GPC5: variants seen among roughly 807,000 people sequenced by gnomAD.
GPC5 encodes the protein glypican-5.
A neutral mutation model predicts 53.9 loss-of-function variants in GPC5; 47 were observed. The observed-to-expected ratio is 0.87, with a 90% CI of 0.69 to 1.11. The LOEUF is 1.11. GPC5 is among the 50% of genes most tolerant of loss of function. The pLI, the probability that GPC5 is intolerant of heterozygous loss-of-function variation, is 0.00. For synonymous variants in GPC5, 286 were observed against 263.3 expected, an observed-to-expected ratio of 1.09 and a Z score of -0.84; for missense variants, 748 against 713.1, an observed-to-expected ratio of 1.05 and a Z score of -0.56.
intron 7 of GPC5, among the ~76,000 whole-genome samples, chr13:92,579,853 T>A (rs556972656): frequency 3.5e-4 from 53 of 152,200 alleles, no homozygotes; most frequent in Non-Finnish European, 6.6e-4. Context: ...TCTCTCTCTT[T>A]CTTTATCATA....
chr13:92,214,826 A>G (rs568039626), intron 7 of GPC5, among the ~76,000 whole-genome samples: 1 of 152,338 alleles, frequency 6.6e-6, no homozygotes, highest in South Asian at 2.1e-4. Context: ...AAAGGTCCTT[A>G]CAATGTGGGA....
chr13:92,540,565 G>A (rs1881900186), intron 7 of GPC5, among the ~76,000 whole-genome samples: 1 of 151,818 alleles, frequency 6.6e-6, no homozygotes, highest in Non-Finnish European at 1.5e-5. Context: ...AATGTCTGGG[G>A]TAATTTATTA....
At chr13:91,705,793 A>G (rs1045233178) in intron 3 of GPC5, among the ~76,000 whole-genome samples, 2 of 151,458 alleles carry the variant, frequency 1.3e-5, no homozygotes, top group African/African-American at 4.8e-5. Context: ...AGAATGAAAA[A>G]TATTACTTAT....
At chr13:92,670,811 C>A (rs998424642) in intron 7 of GPC5, among the ~76,000 whole-genome samples, 2 of 152,146 alleles carry the variant, frequency 1.3e-5, no homozygotes, top group Admixed American at 1.3e-4. Flanking sequence ...TTTTCAAATT[C>A]TGTGTGACAT....
chr13:91,762,433 CA>C (rs1298232103), intron 5 of GPC5, among the ~76,000 whole-genome samples: 1 of 151,636 alleles, frequency 6.6e-6, no homozygotes, highest in South Asian at 2.1e-4. Context: ...TCCTAGTTTC[CA>C]AAAGTTTTGA....
At chr13:92,675,429 T>C (rs776360725) in intron 7 of GPC5, among the ~76,000 whole-genome samples, 30 of 152,130 alleles carry the variant, frequency 2.0e-4, no homozygotes, top group Non-Finnish European at 3.8e-4. Flanking sequence ...TTTTTAAAAC[T>C]TTTTGTCCAT....
At chr13:91,908,886 C>T (rs1306037707) in intron 6 of GPC5, among the ~76,000 whole-genome samples, 2 of 151,972 alleles carry the variant, frequency 1.3e-5, no homozygotes, top group Non-Finnish European at 2.9e-5. Flanking sequence ...GAGTCAGAAA[C>T]AATACCTGAA....
At chr13:92,086,265 A>C (rs2041335319) in intron 6 of GPC5, among the ~76,000 whole-genome samples, 2 of 152,164 alleles carry the variant, frequency 1.3e-5, no homozygotes, top group South Asian at 4.1e-4. Flanking sequence ...ATTTTCCAGG[A>C]GGACACATCT....
chr13:91,591,877 A>C (rs374192485), intron 2 of GPC5, among the ~76,000 whole-genome samples: 58 of 152,310 alleles, frequency 3.8e-4, no homozygotes, highest in African/African-American at 1.4e-3. Context: ...TTGGGTTTCA[A>C]CTTTCTCCTG....
chr13:91,773,780 T>C (rs940398945), intron 5 of GPC5, among the ~76,000 whole-genome samples: 1 of 152,182 alleles, frequency 6.6e-6, no homozygotes, highest in Admixed American at 6.5e-5. Context: ...TCAGCTTCTC[T>C]TTGGGACTCC....
rs575032131 is a variant in GPC5 at position 91,973,499 on chromosome 13, G to A, written c.1401+65442G>A. Among the ~76,000 whole-genome samples the A allele has an allele frequency of 2.3e-3, 355 of 152,272 alleles. 1 individual carries two copies. The highest frequency in any genetic ancestry group is 5.4e-3 in the South Asian group (26 of 4,820). ...GTCATTCTCCGTCCAGCTTTGTTCC[G>A]TTGCTGGTGAGGAGCTGTGTTCTTT... On this transcript the variant is annotated intron_variant, in intron 6 of 7. Transcript: ENST00000377067.
At chr13:91,654,315 C>T (rs2034794504) in intron 2 of GPC5, among the ~76,000 whole-genome samples, 1 of 152,140 alleles carries the variant, frequency 6.6e-6, no homozygotes, top group African/African-American at 2.4e-5. Context: ...TGTATGAAGA[C>T]ACTCATTACA....
At chr13:92,269,737 C>A (rs1421209469) in intron 7 of GPC5, among the ~76,000 whole-genome samples, 1 of 152,150 alleles carries the variant, frequency 6.6e-6, no homozygotes, top group African/African-American at 2.4e-5. Flanking sequence ...ATCCTAACCC[C>A]ATTACAGCCT....
Position 92,349,195 on chromosome 13 carries a change from G to A in GPC5, c.1561+204206G>A, listed in dbSNP as rs2043453712. On this transcript the variant is annotated intron_variant, in intron 7 of 7. Transcript: ENST00000377067. ...TTTCACTCTTGTTGCCCAGGCTGGA[G>A]TGCGATGGCACGATCTCGGCTCACT... Among the ~76,000 whole-genome samples, 4 of 152,292 alleles carry A rather than the reference G, an allele frequency of 2.6e-5. No individual in the cohort carries two copies. The South Asian group carries it at 6.2e-4, about 24-fold the overall frequency.
At chr13:92,819,204 T>C (rs957277214) in intron 7 of GPC5, among the ~76,000 whole-genome samples, 2 of 152,000 alleles carry the variant, frequency 1.3e-5, no homozygotes. Context: ...TGTTATAGCA[T>C]AGCAAAAATT....
chr13:91,948,025 G>C (rs2039989660), intron 6 of GPC5, among the ~76,000 whole-genome samples: 1 of 151,968 alleles, frequency 6.6e-6, no homozygotes, highest in Non-Finnish European at 1.5e-5. Context: ...CCAATGTCAC[G>C]TGACCATCCT....
chr13:91,525,106 C>T (rs4143764), intron 2 of GPC5, among the ~76,000 whole-genome samples: 83,372 of 151,978 alleles, frequency 0.55, 27,361 homozygotes, highest in Non-Finnish European at 0.72. Context: ...TCCTTCCCCT[C>T]GTAGAATGTG....
At position 91,913,070 on chromosome 13, in the gene GPC5, C is replaced by T. The variant is rs147001538; in HGVS notation, c.1401+5013C>T. ...GTGTCACCTGGGAGTACTCCAAGGA[C>T]GGCCAAAAGAAATATTTTAGTTAGA... On this transcript the variant is annotated intron_variant, in intron 6 of 7. Transcript: ENST00000377067. Among the ~76,000 whole-genome samples the T allele has an allele frequency of 4.8e-3, 731 of 152,048 alleles. 7 individuals are homozygous for T. Among genetic ancestry groups the T allele is most frequent in the African/African-American group, 0.015 (624 of 41,444 alleles).
chr13:92,212,448 C>T (rs1184336466), intron 7 of GPC5, among the ~76,000 whole-genome samples: 2 of 152,256 alleles, frequency 1.3e-5, no homozygotes, highest in East Asian at 1.9e-4. Context: ...CAGCAAAATT[C>T]ATGAGCAGCT....
Sources: gnomAD v4.1 joint callset for allele counts (sites outside exome capture counted in the v4.1 genomes callset) on GRCh38, gnomAD v4.1.1 for gene constraint, MANE v1.5 for transcripts, NCBI Gene and HGNC (gene_info 2026-07-23, HGNC 2026-07-21) for gene names.